The following NCOA2 variants were observed in gnomAD, a reference collection of about 807,000 sequenced individuals.
NCOA2 encodes nuclear receptor coactivator 2, also known as class E basic helix-loop-helix protein 75.
In NCOA2, 21 loss-of-function variants were observed where a neutral mutation model predicts 145.1. The observed-to-expected ratio is 0.14, with a 90% CI of 0.10 to 0.21. NCOA2 has a LOEUF of 0.21. Ranked by LOEUF, NCOA2 falls within the 10% of genes least tolerant of loss-of-function variation. The probability of loss-of-function intolerance (pLI) is 1.00; values close to 1 mark genes in which losing one functional copy is unlikely to be tolerated. For synonymous variants in NCOA2, 619 were observed against 637.5 expected, an observed-to-expected ratio of 0.97 and a Z score of 0.44; for missense variants, 1,472 against 1,837.6, an observed-to-expected ratio of 0.80 and a Z score of 3.64.
the NCOA2 span, among the ~76,000 whole-genome samples, chr8:70,436,163 G>A: frequency 6.6e-6 from 1 of 152,030 alleles, no homozygotes; most frequent in East Asian, 1.9e-4. Flanking sequence ...GTTTTCAGAG[G>A]CATGCATTTT....
chr8:70,273,458 G>T (rs767091217), intron 2 of NCOA2: 3 of 627,600 alleles, frequency 4.8e-6, no homozygotes, highest in Non-Finnish European at 8.2e-6. Context: ...CAGAAAGAAG[G>T]TGGTTCACAG....
chr8:70,353,721 C>A lies in NCOA2; in HGVS notation c.-77+49979G>T, dbSNP rs555015742. 2.6e-5 allele frequency among the ~76,000 whole-genome samples: 4 copies of A among 151,958 alleles called. No homozygotes were observed. In the East Asian group the frequency reaches 7.8e-4, roughly 29 times the overall value. On this transcript the variant is annotated intron_variant, in intron 1 of 22. Transcript: ENST00000452400. ...ATCAATACCAATAACAATGGCCAAC[C>A]CTGATAATCTCCCATATCTAAGTTC...
rs752258600 is a variant in NCOA2, at chr8:70,216,189, A to G, written c.86+471T>C. 1.6e-4 allele frequency among the ~76,000 whole-genome samples: 24 copies of G among 152,328 alleles called. 1 individual carries two copies. In the South Asian group the frequency reaches 2.3e-3, roughly 14 times the overall value. ...CTACATGGGCATTATAACAACTCAT[A>G]CTTCCACCCATAATATATGAGATGA... On this transcript the variant is annotated intron_variant, in intron 3 of 22. Coordinates refer to ENST00000452400, the MANE Select transcript of NCOA2 (RefSeq NM_006540.4).
intron 1 of NCOA2, among the ~76,000 whole-genome samples, chr8:70,375,142 T>C (rs1811560941): frequency 6.6e-6 from 1 of 152,222 alleles, no homozygotes; most frequent in African/African-American, 2.4e-5. Context: ...TTATTTTATA[T>C]ACATCTATTA....
chr8:70,269,764 T>C (rs548702553), intron 2 of NCOA2, among the ~76,000 whole-genome samples: 1 of 152,346 alleles, frequency 6.6e-6, no homozygotes, highest in Non-Finnish European at 1.5e-5. Flanking sequence ...CAAGTCAACC[T>C]AAATTCATCA....
upstream of NCOA2, among the ~76,000 whole-genome samples, chr8:70,407,388 C>T (rs1171490870): frequency 6.6e-6 from 1 of 152,130 alleles, no homozygotes; most frequent in Admixed American, 6.6e-5. Flanking sequence ...TAAAGCTGAG[C>T]TTCAGAGACT....
At chr8:70,299,276 TAAA>T (rs1382021348) in intron 1 of NCOA2, among the ~76,000 whole-genome samples, 1 of 152,154 alleles carries the variant, frequency 6.6e-6, no homozygotes, top group Non-Finnish European at 1.5e-5. Context: ...AGCTCTATAA[TAAA>T]GAAGCATCTC....
the NCOA2 span, among the ~76,000 whole-genome samples, chr8:70,453,934 T>C: frequency 6.6e-6 from 1 of 152,228 alleles, no homozygotes; most frequent in Non-Finnish European, 1.5e-5. Flanking sequence ...ATAAGCGCTA[T>C]GAGTTTAGGA....
the NCOA2 span, among the ~76,000 whole-genome samples, chr8:70,435,745 CTTTCTT>C: frequency 1.0e-3 from 153 of 151,082 alleles, no homozygotes; most frequent in African/African-American, 3.4e-3. Flanking sequence ...ATCTTCCTCT[CTTTCTT>C]TTCTTTATTT....
rs115770691 is a variant in NCOA2 at position 70,181,713 on chromosome 8, A to G, written c.260-6854T>C. On this transcript the variant is annotated intron_variant, in intron 4 of 22. Coordinates refer to ENST00000452400, the MANE Select transcript of NCOA2 (RefSeq NM_006540.4). ...AAAATCACTCACCTAGAAATCTACG[A>G]ATTTTTCAGTAGACTGACGTCAAAC... 5.4e-3 allele frequency among the ~76,000 whole-genome samples: 829 copies of G among 152,318 alleles called. 9 individuals carry two copies. The highest frequency in any genetic ancestry group is 0.019 in the African/African-American group (783 of 41,556).
intron 2 of NCOA2, among the ~76,000 whole-genome samples, chr8:70,261,143 A>C (rs957644552): frequency 2.0e-5 from 3 of 152,210 alleles, no homozygotes; most frequent in African/African-American, 7.2e-5. Context: ...CTATAAAGAC[A>C]CATGTACACA....
At chr8:70,414,664 G>C in the NCOA2 span, among the ~76,000 whole-genome samples, 224 of 152,310 alleles carry the variant, frequency 1.5e-3, no homozygotes, top group African/African-American at 5.2e-3. Flanking sequence ...TAGGAAGACA[G>C]CTCTGAGAAT....
chr8:70,254,275 C>A (rs1420308478), intron 2 of NCOA2, among the ~76,000 whole-genome samples: 1 of 152,090 alleles, frequency 6.6e-6, no homozygotes, highest in African/African-American at 2.4e-5. Context: ...AAAACTAGAA[C>A]CCTTGTGCAT....
chr8:70,249,977 A>AAAAAAAGAAG (rs751876043), intron 2 of NCOA2, among the ~76,000 whole-genome samples: 78 of 137,940 alleles, frequency 5.7e-4, no homozygotes, highest in African/African-American at 1.4e-3. Context: ...AAAAAAAAAA[A>AAAAAAAGAAG]AAGAAGAAGA....
chr8:70,419,608 G>C, the NCOA2 span, among the ~76,000 whole-genome samples: 1 of 151,066 alleles, frequency 6.6e-6, no homozygotes, highest in Non-Finnish European at 1.5e-5. Flanking sequence ...TTCTATTCTT[G>C]GTCTGTTTTA....
chr8:70,455,057 C>T, the NCOA2 span, among the ~76,000 whole-genome samples: 1 of 152,178 alleles, frequency 6.6e-6, no homozygotes, highest in Non-Finnish European at 1.5e-5. Context: ...TGAAAGGATA[C>T]TTTGAAAAGA....
chr8:70,383,641 G>A (rs1770184075), intron 1 of NCOA2, among the ~76,000 whole-genome samples: 1 of 152,036 alleles, frequency 6.6e-6, no homozygotes, highest in African/African-American at 2.4e-5. Flanking sequence ...GAGTAGCTGG[G>A]ATTACAGGCA....
intron 2 of NCOA2, among the ~76,000 whole-genome samples, chr8:70,258,919 C>A (rs1001249706): frequency 7.2e-5 from 11 of 152,126 alleles, no homozygotes; most frequent in Admixed American, 4.6e-4. Context: ...AAAACAGTGA[C>A]CTGGCATTCA....
chr8:70,201,474 A>ACT (rs1817885036), intron 4 of NCOA2, among the ~76,000 whole-genome samples: 1 of 152,188 alleles, frequency 6.6e-6, no homozygotes, highest in Non-Finnish European at 1.5e-5. Context: ...GAGGTGAAGA[A>ACT]CACTATTACT....
Sources: gnomAD v4.1 joint callset for allele counts (sites outside exome capture counted in the v4.1 genomes callset) on GRCh38, gnomAD v4.1.1 for gene constraint, MANE v1.5 for transcripts, NCBI Gene and HGNC (gene_info 2026-07-23, HGNC 2026-07-21) for gene names.